The following PDE4D variants were observed in gnomAD, a reference collection of about 807,000 sequenced individuals.
The protein encoded by PDE4D is phosphodiesterase 4D.
A neutral mutation model predicts 87.4 loss-of-function variants in PDE4D; 24 were observed. The ratio of observed to expected loss-of-function variants is 0.27; its 90% CI spans 0.20 to 0.39. The LOEUF (loss-of-function observed/expected upper bound fraction) is 0.39, where lower values mean the gene tolerates loss of function less well. PDE4D is among the 10% of genes least tolerant of loss of function. The pLI, the probability that PDE4D is intolerant of heterozygous loss-of-function variation, is 1.00. For synonymous variants in PDE4D, 384 were observed against 383.2 expected (o/e 1.00, Z -0.02); for missense variants, 714 against 1,041.0 (o/e 0.69, Z 4.32).
At chr5:60,470,887 C>T (rs943778153) in intron 1 of PDE4D, among the ~76,000 whole-genome samples, 3 of 152,106 alleles carry the variant, frequency 2.0e-5, no homozygotes, top group East Asian at 3.9e-4. Flanking sequence ...TGTTTTCATG[C>T]CTTTAACAAA....
intron 1 of PDE4D, among the ~76,000 whole-genome samples, chr5:60,393,756 A>G (rs1762706342): frequency 6.6e-6 from 1 of 152,202 alleles, no homozygotes; most frequent in Non-Finnish European, 1.5e-5. Flanking sequence ...CCCACTGAAC[A>G]CTGAGGTGGC....
chr5:59,148,354 A>C (rs767399381), intron 5 of PDE4D, among the ~76,000 whole-genome samples: 12 of 152,198 alleles, frequency 7.9e-5, no homozygotes, highest in Non-Finnish European at 1.5e-4. Flanking sequence ...TCTTTTTACT[A>C]TAACTCCTCA....
chr5:59,179,168 G>A (rs369603891), intron 5 of PDE4D, among the ~76,000 whole-genome samples: 5 of 152,104 alleles, frequency 3.3e-5, no homozygotes, highest in African/African-American at 1.2e-4. Flanking sequence ...GTGCAGTGGC[G>A]CGATCTCGGC....
chr5:59,485,374 G>T (rs902954579), intron 1 of PDE4D, among the ~76,000 whole-genome samples: 1 of 151,938 alleles, frequency 6.6e-6, no homozygotes, highest in Non-Finnish European at 1.5e-5. Flanking sequence ...GAGACATCTG[G>T]CCCTGCTTAT....
chr5:60,240,585 G>C (rs1034554214), intron 1 of PDE4D, among the ~76,000 whole-genome samples: 3 of 152,122 alleles, frequency 2.0e-5, no homozygotes, highest in Admixed American at 2.0e-4. Flanking sequence ...ACAAGACCCA[G>C]TGCTATGCTG....
intron 1 of PDE4D, among the ~76,000 whole-genome samples, chr5:60,435,578 T>TA (rs1401211979): frequency 5.3e-5 from 8 of 151,994 alleles, no homozygotes; most frequent in Admixed American, 5.3e-4. Flanking sequence ...GATTTTTTTT[T>TA]GAAACTGAAG....
chr5:59,982,514 A>C (rs2152826416), intron 3 of PDE4D, among the ~76,000 whole-genome samples: 1 of 152,286 alleles, frequency 6.6e-6, no homozygotes, highest in South Asian at 2.1e-4. Flanking sequence ...TGGGAATGTA[A>C]GTCAGTGCCC....
intron 2 of PDE4D, among the ~76,000 whole-genome samples, chr5:60,043,279 A>C (rs1222645579): frequency 6.6e-6 from 1 of 152,130 alleles, no homozygotes; most frequent in Non-Finnish European, 1.5e-5. Context: ...CAAAGCCTCC[A>C]AGAAATATGG....
chr5:60,230,417 G>T (rs1745659872), intron 1 of PDE4D, among the ~76,000 whole-genome samples: 1 of 152,110 alleles, frequency 6.6e-6, no homozygotes, highest in Admixed American at 6.6e-5. Flanking sequence ...CCTTTGCAAA[G>T]TGGAAACTTA....
chr5:59,549,811 C>G (rs1817823197), intron 1 of PDE4D, among the ~76,000 whole-genome samples: 1 of 151,992 alleles, frequency 6.6e-6, no homozygotes, highest in African/African-American at 2.4e-5. Flanking sequence ...CTAATTTTAA[C>G]TAAAACAAGG....
chr5:59,336,416 T>G (rs987257234), intron 1 of PDE4D, among the ~76,000 whole-genome samples: 2 of 152,218 alleles, frequency 1.3e-5, no homozygotes, highest in Non-Finnish European at 2.9e-5. Context: ...TTATTATATT[T>G]TTGAAAATGT....
chr5:60,046,304 G>A (rs201144721), intron 2 of PDE4D, among the ~76,000 whole-genome samples: 50 of 152,096 alleles, frequency 3.3e-4, no homozygotes, highest in African/African-American at 7.5e-4. Context: ...CAATCATGTC[G>A]TCTGCAAACA....
At chr5:60,114,451 C>T (rs1436968011) in intron 2 of PDE4D, among the ~76,000 whole-genome samples, 2 of 152,108 alleles carry the variant, frequency 1.3e-5, no homozygotes, top group African/African-American at 4.8e-5. Flanking sequence ...AAGACATCCT[C>T]AATTTACTTG....
intron 2 of PDE4D, among the ~76,000 whole-genome samples, chr5:60,007,502 C>G (rs1010377890): frequency 7.9e-5 from 12 of 151,880 alleles, no homozygotes; most frequent in African/African-American, 2.9e-4. Flanking sequence ...AAAAATCTAG[C>G]CAATAATTTC....
intron 2 of PDE4D, among the ~76,000 whole-genome samples, chr5:60,106,788 T>G (rs1309773901): frequency 6.6e-6 from 1 of 151,866 alleles, no homozygotes. Flanking sequence ...AAGGCAGAAA[T>G]AAAGATATTC....
At chr5:59,234,428 A>G (rs1252145307) in intron 1 of PDE4D, among the ~76,000 whole-genome samples, 1 of 152,202 alleles carries the variant, frequency 6.6e-6, no homozygotes, top group Non-Finnish European at 1.5e-5. Flanking sequence ...AAACAAGGCC[A>G]TCTGTAATGA....
At chr5:60,291,041 C>CA (rs1239882497) in intron 1 of PDE4D, among the ~76,000 whole-genome samples, 5 of 152,256 alleles carry the variant, frequency 3.3e-5, no homozygotes, top group Admixed American at 6.5e-5. Context: ...GAGGTAGCAT[C>CA]AAAAATTGTT....
intron 5 of PDE4D, among the ~76,000 whole-genome samples, chr5:59,131,178 G>C (rs900549807): frequency 7.9e-5 from 12 of 152,164 alleles, no homozygotes; most frequent in African/African-American, 2.9e-4. Flanking sequence ...TGATTTCTGA[G>C]TTGGTTATAT....
chr5:60,250,711 A>C (rs1188891666), intron 1 of PDE4D, among the ~76,000 whole-genome samples: 3 of 152,032 alleles, frequency 2.0e-5, no homozygotes, highest in Non-Finnish European at 2.9e-5. Context: ...TACATAATAC[A>C]TGATAACAAT....
Sources: gnomAD v4.1 joint callset for allele counts (sites outside exome capture counted in the v4.1 genomes callset) on GRCh38, gnomAD v4.1.1 for gene constraint, MANE v1.5 for transcripts, NCBI Gene and HGNC (gene_info 2026-07-23, HGNC 2026-07-21) for gene names.